HDAC9: variants seen among roughly 807,000 people sequenced by gnomAD.
HDAC9 encodes MEF-2 interacting transcription repressor (MITR) protein.
In HDAC9, 41 loss-of-function variants were observed where a neutral mutation model predicts 139.4. That is an observed-to-expected ratio of 0.29 (90% CI 0.23 to 0.38). The LOEUF (loss-of-function observed/expected upper bound fraction) is 0.38, where lower values mean the gene tolerates loss of function less well. HDAC9 is among the 10% of genes least tolerant of loss of function. The pLI, the probability that HDAC9 is intolerant of heterozygous loss-of-function variation, is 1.00. For missense variants in HDAC9, 1,147 were observed against 1,297.0 expected (o/e 0.88, Z 1.78); for synonymous variants, 517 against 476.2 (o/e 1.09, Z -1.12).
At chr7:18,296,184 A>G (rs1475505582) in intron 1 of HDAC9, among the ~76,000 whole-genome samples, 1 of 152,176 alleles carries the variant, frequency 6.6e-6, no homozygotes, top group African/African-American at 2.4e-5. Flanking sequence ...GAATTTATTT[A>G]TGTGGTTAAA....
intron 11 of HDAC9, among the ~76,000 whole-genome samples, chr7:18,652,505 A>G (rs1271120650): frequency 6.6e-6 from 1 of 152,150 alleles, no homozygotes; most frequent in East Asian, 1.9e-4. Flanking sequence ...TAAAAGGGCA[A>G]ATCTCTAGTC....
chr7:18,743,323 A>G (rs1787623880), intron 13 of HDAC9, among the ~76,000 whole-genome samples: 1 of 152,146 alleles, frequency 6.6e-6, no homozygotes. Context: ...TAGCTGTCTG[A>G]TACTCTGTTA....
intron 13 of HDAC9, among the ~76,000 whole-genome samples, chr7:18,740,392 C>A (rs1178151): frequency 0.17 from 25,874 of 152,128 alleles, 2,663 homozygotes; most frequent in East Asian, 0.43. Context: ...TCCCATTTGG[C>A]CATTTTGGAA....
intron 1 of HDAC9, among the ~76,000 whole-genome samples, chr7:18,092,113 C>T (rs1782195230): frequency 1.3e-5 from 2 of 152,164 alleles, no homozygotes; most frequent in South Asian, 4.1e-4. Context: ...AGGGTGGGCA[C>T]AGTGGCTTAT....
chr7:18,961,294 C>G (rs1783512194), intron 24 of HDAC9, among the ~76,000 whole-genome samples: 1 of 152,092 alleles, frequency 6.6e-6, no homozygotes, highest in Non-Finnish European at 1.5e-5. Context: ...AGGAGATTAG[C>G]AGGGCTTATA....
intron 2 of HDAC9, among the ~76,000 whole-genome samples, chr7:18,167,735 G>A (rs1485327496): frequency 6.6e-6 from 1 of 152,232 alleles, no homozygotes; most frequent in Middle Eastern, 3.4e-3. Flanking sequence ...ACATTTCGTT[G>A]AGTGGAATTT....
intron 8 of HDAC9, among the ~76,000 whole-genome samples, chr7:18,638,929 A>T (rs576143832): frequency 9.9e-5 from 15 of 152,090 alleles, no homozygotes; most frequent in Non-Finnish European, 2.2e-4. Flanking sequence ...CTTTATTGTT[A>T]ATACTGTGGG....
chr7:18,633,183 T>A (rs1782865726), intron 7 of HDAC9, among the ~76,000 whole-genome samples: 1 of 152,004 alleles, frequency 6.6e-6, no homozygotes, highest in Non-Finnish European at 1.5e-5. Flanking sequence ...TAGGAATTGG[T>A]AGGAGGAAGA....
intron 6 of HDAC9, among the ~76,000 whole-genome samples, chr7:18,610,091 C>G (rs1026364452): frequency 2.0e-5 from 3 of 152,154 alleles, no homozygotes; most frequent in Non-Finnish European, 2.9e-5. Context: ...GCTATAAAGA[C>G]ACACGCACAC....
chr7:18,602,300 C>T (rs1173331967), intron 6 of HDAC9, among the ~76,000 whole-genome samples: 1 of 151,730 alleles, frequency 6.6e-6, no homozygotes, highest in Admixed American at 6.6e-5. Context: ...TAGTTATGAC[C>T]CCTCTTTCAT....
At chr7:18,518,486 G>T (rs1332960622) in intron 2 of HDAC9, among the ~76,000 whole-genome samples, 1 of 152,134 alleles carries the variant, frequency 6.6e-6, no homozygotes, top group Non-Finnish European at 1.5e-5. Flanking sequence ...TAACAAATTT[G>T]ATTATTTGGG....
chr7:18,629,098 AT>A (rs766361809), intron 6 of HDAC9, among the ~76,000 whole-genome samples: 3 of 152,136 alleles, frequency 2.0e-5, no homozygotes, highest in Non-Finnish European at 4.4e-5. Flanking sequence ...GAAAACTTAT[AT>A]TTTTGTTTAC....
chr7:18,651,730 T>A (rs1789339459), intron 11 of HDAC9, among the ~76,000 whole-genome samples: 1 of 152,204 alleles, frequency 6.6e-6, no homozygotes, highest in Non-Finnish European at 1.5e-5. Context: ...ATAATTTACC[T>A]ACTTGTTGCC....
chr7:18,578,601 T>C (rs907909265), intron 2 of HDAC9, among the ~76,000 whole-genome samples: 1 of 152,138 alleles, frequency 6.6e-6, no homozygotes, highest in Non-Finnish European at 1.5e-5. Flanking sequence ...ACATCTGGCT[T>C]TTTTGGGGAC....
At chr7:18,885,245 C>T (rs1800051445) in intron 22 of HDAC9, among the ~76,000 whole-genome samples, 1 of 152,202 alleles carries the variant, frequency 6.6e-6, no homozygotes, top group Admixed American at 6.5e-5. Context: ...GCCACCCAAC[C>T]TCTTGAAGAT....
chr7:18,394,220 A>G (rs1786812486), intron 1 of HDAC9, among the ~76,000 whole-genome samples: 1 of 152,126 alleles, frequency 6.6e-6, no homozygotes, highest in Non-Finnish European at 1.5e-5. Context: ...TTAAAGGGAC[A>G]CTCAAAGGTT....
At chr7:18,691,127 A>G (rs1782643320) in intron 12 of HDAC9, among the ~76,000 whole-genome samples, 1 of 152,002 alleles carries the variant, frequency 6.6e-6, no homozygotes, top group Non-Finnish European at 1.5e-5. Flanking sequence ...TCTGAATGAA[A>G]CCCATCTAAT....
chr7:18,356,357 G>GTT (rs1562911066), intron 1 of HDAC9, among the ~76,000 whole-genome samples: 2 of 27,326 alleles, frequency 7.3e-5, no homozygotes, highest in African/African-American at 1.1e-4. Flanking sequence ...GCAGCACATA[G>GTT]GTTTTTTTTT....
intron 12 of HDAC9, among the ~76,000 whole-genome samples, chr7:18,691,767 A>T (rs1446960571): frequency 1.3e-5 from 2 of 152,064 alleles, no homozygotes; most frequent in African/African-American, 4.8e-5. Flanking sequence ...TTTCCACAAT[A>T]GATAGAATTC....
Sources: gnomAD v4.1 joint callset for allele counts (sites outside exome capture counted in the v4.1 genomes callset) on GRCh38, gnomAD v4.1.1 for gene constraint, MANE v1.5 for transcripts, NCBI Gene and HGNC (gene_info 2026-07-23, HGNC 2026-07-21) for gene names.